ANKS1B: variants seen among roughly 807,000 people sequenced by gnomAD.
The protein encoded by ANKS1B is ankyrin repeat and sterile alpha motif domain-containing protein 1B.
ANKS1B carries 36 observed loss-of-function variants against 148.3 expected under a neutral mutation model. The observed-to-expected ratio is 0.24, with a 90% CI of 0.19 to 0.32. The LOEUF (loss-of-function observed/expected upper bound fraction) is 0.32, where lower values mean the gene tolerates loss of function less well. Ranked by LOEUF, ANKS1B falls within the 10% of genes least tolerant of loss-of-function variation. The probability of loss-of-function intolerance (pLI) is 1.00; values close to 1 mark genes in which losing one functional copy is unlikely to be tolerated. For synonymous variants in ANKS1B, 542 were observed against 560.8 expected, an observed-to-expected ratio of 0.97 and a Z score of 0.47; for missense variants, 1,157 against 1,542.6, an observed-to-expected ratio of 0.75 and a Z score of 4.19.
intron 12 of ANKS1B, chr12:99,345,102 A>T (rs989343845): frequency 1.3e-5 from 2 of 152,212 alleles, no homozygotes; most frequent in South Asian, 4.1e-4. Flanking sequence ...TTTGGAGGTG[A>T]TTTAAAATGG....
intron 8 of ANKS1B, among the ~76,000 whole-genome samples, chr12:99,716,087 A>G (rs1163635364): frequency 6.6e-6 from 1 of 150,974 alleles, no homozygotes; most frequent in Admixed American, 6.6e-5. Flanking sequence ...AAAAACCACA[A>G]CCCCTTCTCT....
At chr12:99,442,810 C>A (rs17029478) in intron 11 of ANKS1B, among the ~76,000 whole-genome samples, 21,749 of 151,800 alleles carry the variant, frequency 0.14, 1,829 homozygotes, top group East Asian at 0.38. Context: ...ATTTTCCCTA[C>A]AATTTGGCTC....
chr12:99,441,144 T>C (rs1332891595), intron 11 of ANKS1B, among the ~76,000 whole-genome samples: 1 of 151,940 alleles, frequency 6.6e-6, no homozygotes, highest in Non-Finnish European at 1.5e-5. Context: ...CCACACTTTC[T>C]GCATTTTCAG....
chr12:99,965,387 G>T (rs981568800), intron 1 of ANKS1B, among the ~76,000 whole-genome samples: 1 of 152,138 alleles, frequency 6.6e-6, no homozygotes, highest in African/African-American at 2.4e-5. Flanking sequence ...AGTCCACACT[G>T]ATATAAATAA....
At chr12:99,800,558 T>G (rs1027834262) in intron 4 of ANKS1B, among the ~76,000 whole-genome samples, 1 of 151,996 alleles carries the variant, frequency 6.6e-6, no homozygotes, top group Admixed American at 6.6e-5. Context: ...TGGATACAAT[T>G]TGAGCACAGA....
intron 12 of ANKS1B, among the ~76,000 whole-genome samples, chr12:99,371,233 T>G (rs1393915843): frequency 6.6e-6 from 1 of 152,124 alleles, no homozygotes; most frequent in Non-Finnish European, 1.5e-5. Flanking sequence ...TCCCAGATTC[T>G]AATTGTCCTT....
intron 17 of ANKS1B, among the ~76,000 whole-genome samples, chr12:98,951,559 G>A (rs931647681): frequency 6.6e-6 from 1 of 152,028 alleles, no homozygotes; most frequent in South Asian, 2.1e-4. Context: ...CCCTGACTCG[G>A]TAGCCTGGCA....
intron 15 of ANKS1B, chr12:99,097,439 T>A (rs1228992845): frequency 6.6e-6 from 1 of 152,074 alleles, no homozygotes; most frequent in Middle Eastern, 3.2e-3. Context: ...ATATTTCCTA[T>A]CCGGCAGGAA....
intron 17 of ANKS1B, among the ~76,000 whole-genome samples, chr12:98,946,563 G>A (rs779966590): frequency 6.6e-6 from 1 of 152,102 alleles, no homozygotes; most frequent in African/African-American, 2.4e-5. Flanking sequence ...ACAAGAACAA[G>A]ATAAAGAACT....
chr12:99,816,155 T>C (rs955584016), intron 2 of ANKS1B, among the ~76,000 whole-genome samples: 8 of 151,862 alleles, frequency 5.3e-5, no homozygotes, highest in East Asian at 1.9e-4. Flanking sequence ...TATTGTTTTC[T>C]TTTTTTACTT....
At chr12:99,312,949 A>T (rs1341700633) in intron 12 of ANKS1B, among the ~76,000 whole-genome samples, 1 of 152,188 alleles carries the variant, frequency 6.6e-6, no homozygotes, top group East Asian at 1.9e-4. Context: ...AGATGGAAAC[A>T]TGAAAAACCC....
chr12:98,829,076 G>T lies in ANKS1B; in HGVS notation c.3066+98C>A. 1.5e-6 allele frequency: 2 copies of T among 1,369,594 alleles called. No individual in the cohort carries two copies. The highest frequency in any genetic ancestry group is 1.2e-5 in the South Asian group (1 of 82,900). 84.8% of individuals were successfully genotyped at this position (1,369,594 alleles called of 1,614,324 possible). ...CATAACATGGTATAAATTCTAGTTAGGCACGGACAATAAGCATCCATAGGA... is the reference window on the plus strand; with the variant it reads ...CATAACATGGTATAAATTCTAGTTATGCACGGACAATAAGCATCCATAGGA... On this transcript the variant is annotated intron_variant, in intron 19 of 26. Transcript: ENST00000683438. The surrounding 1 kb of genome is among the most constrained non-coding windows in gnomAD (Gnocchi z 5.2).
chr12:99,675,979 T>C (rs1245091309), intron 8 of ANKS1B, among the ~76,000 whole-genome samples: 2 of 152,156 alleles, frequency 1.3e-5, no homozygotes, highest in East Asian at 1.9e-4. Flanking sequence ...TCATCTTGAA[T>C]TGTACTACCT....
chr12:99,731,489 A>G (rs1277245207), intron 8 of ANKS1B, among the ~76,000 whole-genome samples: 1 of 151,412 alleles, frequency 6.6e-6, no homozygotes, highest in African/African-American at 2.4e-5. Context: ...TTTTCTGGAG[A>G]AAGAGTCTGC....
At chr12:99,523,627 C>T (rs1240104471) in intron 9 of ANKS1B, among the ~76,000 whole-genome samples, 1 of 148,406 alleles carries the variant, frequency 6.7e-6, no homozygotes, top group African/African-American at 2.5e-5. Flanking sequence ...GATCTTGGCT[C>T]ACTGCAAGCT....
chr12:98,861,852 C>T (rs575471720), intron 17 of ANKS1B, among the ~76,000 whole-genome samples: 2 of 152,272 alleles, frequency 1.3e-5, no homozygotes, highest in Admixed American at 1.3e-4. Flanking sequence ...CTCTGATATG[C>T]TGCTTTTTCC....
intron 1 of ANKS1B, among the ~76,000 whole-genome samples, chr12:99,827,654 T>C (rs567161922): frequency 6.6e-6 from 1 of 152,334 alleles, no homozygotes; most frequent in African/African-American, 2.4e-5. Flanking sequence ...ACCACAAATA[T>C]ACACAATAAA....
At chr12:99,135,895 G>A (rs2067875022) in intron 15 of ANKS1B, among the ~76,000 whole-genome samples, 1 of 152,116 alleles carries the variant, frequency 6.6e-6, no homozygotes, top group Non-Finnish European at 1.5e-5. Flanking sequence ...GCTTCGGACA[G>A]GAAGACTAAG....
At chr12:99,483,189 G>C (rs963342759) in intron 10 of ANKS1B, among the ~76,000 whole-genome samples, 1 of 151,394 alleles carries the variant, frequency 6.6e-6, no homozygotes, top group Admixed American at 6.6e-5. Flanking sequence ...TGCCTCATTT[G>C]TTGAGAGTTT....
Sources: allele counts gnomAD v4.1 joint callset (sites outside exome capture counted in the v4.1 genomes callset), GRCh38; gene constraint gnomAD v4.1.1; non-coding constraint Gnocchi (gnomAD v3.1); transcripts MANE v1.5; gene names NCBI Gene and HGNC (gene_info 2026-07-23, HGNC 2026-07-21).